GNAO1: variants seen among roughly 807,000 people sequenced by gnomAD.
GNAO1 encodes the protein G protein subunit alpha o1, also known as guanine nucleotide-binding protein G(o) subunit alpha.
For synonymous variants in GNAO1, 164 were observed against 180.7 expected, an observed-to-expected ratio of 0.91 and a Z score of 0.74; for missense variants, 166 against 478.7, an observed-to-expected ratio of 0.35 and a Z score of 6.10.
intron 2 of GNAO1, among the ~76,000 whole-genome samples, chr16:56,247,482 GTT>G (rs61650674): frequency 0.076 from 9,056 of 119,374 alleles, 168 homozygotes; most frequent in African/African-American, 0.1. Context: ...TTAGGGTGAG[GTT>G]TTTTTTTTTT....
chr16:56,263,932 G>T (rs373818850), intron 2 of GNAO1, among the ~76,000 whole-genome samples: 1 of 152,202 alleles, frequency 6.6e-6, no homozygotes, highest in Non-Finnish European at 1.5e-5. Context: ...TTAGACCCCG[G>T]GTCTCCTGAG....
At chr16:56,320,131 C>A (rs993769778) in intron 3 of GNAO1, among the ~76,000 whole-genome samples, 3 of 152,182 alleles carry the variant, frequency 2.0e-5, no homozygotes, top group Admixed American at 6.5e-5. Flanking sequence ...GCCTCCTGAT[C>A]CTAAACCCAT....
chr16:56,224,246 G>A (rs1250467716), intron 2 of GNAO1, among the ~76,000 whole-genome samples: 2 of 152,154 alleles, frequency 1.3e-5, no homozygotes, highest in African/African-American at 2.4e-5. Context: ...CTGGTACAGC[G>A]TCAGGCAGAG....
chr16:56,316,346 C>T (rs1450372225), intron 3 of GNAO1, among the ~76,000 whole-genome samples: 1 of 152,192 alleles, frequency 6.6e-6, no homozygotes, highest in African/African-American at 2.4e-5. Flanking sequence ...ACTGGCCTGC[C>T]CACCAGGGGT....
At chr16:56,251,982 C>T (rs145408314) in intron 2 of GNAO1, among the ~76,000 whole-genome samples, 27 of 152,240 alleles carry the variant, frequency 1.8e-4, no homozygotes, top group African/African-American at 6.3e-4. Flanking sequence ...TCCTCTGAGG[C>T]CCTGGTGCAT....
At chr16:56,293,193 T>C (rs1008830476) in intron 3 of GNAO1, among the ~76,000 whole-genome samples, 4 of 152,226 alleles carry the variant, frequency 2.6e-5, no homozygotes, top group Non-Finnish European at 5.9e-5. Context: ...TGAAATACTT[T>C]TGTCAATAGG....
At chr16:56,295,888 G>A (rs1397598591) in intron 3 of GNAO1, among the ~76,000 whole-genome samples, 4 of 152,216 alleles carry the variant, frequency 2.6e-5, no homozygotes, top group Admixed American at 1.3e-4. Flanking sequence ...GGCAAGGCTC[G>A]GCTGTCACTG....
At chr16:56,292,071 T>G (rs531769917) in intron 3 of GNAO1, among the ~76,000 whole-genome samples, 2 of 152,324 alleles carry the variant, frequency 1.3e-5, no homozygotes, top group African/African-American at 4.8e-5. Flanking sequence ...AGGAACTGGC[T>G]CTTTCTTGCT....
chr16:56,343,414 G>A (rs1001099212), intron 6 of GNAO1, among the ~76,000 whole-genome samples: 1 of 151,098 alleles, frequency 6.6e-6, no homozygotes, highest in South Asian at 2.1e-4. Context: ...CTTGAGCCCA[G>A]GAGGTAGAGG....
At chr16:56,344,104 C>T in intron 6 of GNAO1, 1 of 1,457,058 alleles carries the variant, frequency 6.9e-7, no homozygotes, top group Non-Finnish European at 9.0e-7. Flanking sequence ...CATCCTCCAC[C>T]CGCACCCCCC....
intron 3 of GNAO1, among the ~76,000 whole-genome samples, chr16:56,300,053 A>G (rs1448180620): frequency 1.3e-4 from 6 of 45,754 alleles, no homozygotes; most frequent in South Asian, 6.7e-4. Context: ...GCGCGCGCGC[A>G]CGCACATGTG....
chr16:56,225,292 T>G, intron 2 of GNAO1, among the ~76,000 whole-genome samples: 1 of 152,172 alleles, frequency 6.6e-6, no homozygotes, highest in East Asian at 1.9e-4. Context: ...ACCAGGTAAC[T>G]GAGTAGAGGA....
intron 3 of GNAO1, among the ~76,000 whole-genome samples, chr16:56,295,681 T>C (rs1482419001): frequency 6.6e-6 from 1 of 152,226 alleles, no homozygotes; most frequent in East Asian, 1.9e-4. Flanking sequence ...TTCCTCTCGC[T>C]GCCCAGGCCA....
intron 2 of GNAO1, among the ~76,000 whole-genome samples, chr16:56,236,928 T>G (rs527410565): frequency 6.6e-6 from 1 of 152,354 alleles, no homozygotes; most frequent in South Asian, 2.1e-4. Flanking sequence ...TATCTGTGTC[T>G]AGCTTCATCA....
At chr16:56,274,897 G>C (rs1231098143) in intron 2 of GNAO1, among the ~76,000 whole-genome samples, 1 of 152,074 alleles carries the variant, frequency 6.6e-6, no homozygotes, top group Non-Finnish European at 1.5e-5. Context: ...ACTTTAAGTA[G>C]GTAGAGTCTA....
At chr16:56,269,964 C>A (rs2037000225) in intron 2 of GNAO1, among the ~76,000 whole-genome samples, 1 of 152,148 alleles carries the variant, frequency 6.6e-6, no homozygotes, top group South Asian at 2.1e-4. Flanking sequence ...AGTCTCACTG[C>A]AGCTAAGTGC....
intron 3 of GNAO1, among the ~76,000 whole-genome samples, chr16:56,290,928 T>C (rs186234818): frequency 2.0e-5 from 3 of 152,364 alleles, no homozygotes; most frequent in East Asian, 1.9e-4. Flanking sequence ...CTTCTTTCAC[T>C]TGGCATAATG....
At chr16:56,304,207 C>T (rs2037371466) in intron 3 of GNAO1, among the ~76,000 whole-genome samples, 1 of 152,246 alleles carries the variant, frequency 6.6e-6, no homozygotes, top group Admixed American at 6.5e-5. Context: ...AGCAGAGACC[C>T]TGCTGCCCCA....
chr16:56,221,317 C>G (rs2036485039), intron 2 of GNAO1, among the ~76,000 whole-genome samples: 1 of 151,876 alleles, frequency 6.6e-6, no homozygotes, highest in Non-Finnish European at 1.5e-5. Context: ...GTCTGGGGAC[C>G]CACCACACCC....
Sources: gnomAD v4.1 joint callset for allele counts (sites outside exome capture counted in the v4.1 genomes callset) on GRCh38, gnomAD v4.1.1 for gene constraint, MANE v1.5 for transcripts, NCBI Gene and HGNC (gene_info 2026-07-23, HGNC 2026-07-21) for gene names.